MLH3: variants seen among roughly 807,000 people sequenced by gnomAD.
MLH3 encodes DNA mismatch repair protein Mlh3.
Under a neutral mutation model 122.2 loss-of-function variants are expected in MLH3, and 82 were observed. The observed-to-expected ratio is 0.67, with a 90% CI of 0.56 to 0.81. The LOEUF is 0.81. MLH3 is among the 30% of genes least tolerant of loss of function. The pLI is 0.00. For synonymous variants in MLH3, 524 were observed against 599.5 expected (o/e 0.87, Z 1.84); for missense variants, 1,539 against 1,714.5 (o/e 0.90, Z 1.81).
intron 4 of MLH3, 68 bp downstream of exon 4, chr14:75,041,547 T>G (rs1407915544): frequency 7.7e-7 from 1 of 1,304,510 alleles, no homozygotes; most frequent in East Asian, 2.3e-5. Flanking sequence ...AAACTCCATC[T>G]CAAAATTTAA....
In MLH3 at chr14:75,030,635, C is replaced by T. The variant is rs752392765; in HGVS notation, c.3895G>A (p.Val1299Ile). The change falls in exon 9 of 13, where the codon GTC becomes ATC. Residue 1299 changes from valine to isoleucine, a missense_variant. Physicochemically the swap from Val to Ile is conservative, Grantham distance 29. Coordinates refer to ENST00000355774, the MANE Select transcript of MLH3 (RefSeq NM_001040108.2). ...FVFPDTSDSL[V>I]LVGKVPLCFV... is the part of the protein sequence containing the mutation. The stretch of plus-strand genomic sequence containing the variant: ...CATAGTGGTACTTTTCCCACAAGGA[C>T]CAGAGAATCACTAGTGTCTGGAAAT... 3.1e-6 allele frequency: 5 copies of T among 1,613,704 alleles called. No individual in the cohort carries two copies. The African/African-American group carries it at 4.0e-5, about 13-fold the overall frequency.
At chr14:75,017,313 C>T (rs1054099734) in intron 12 of MLH3, 112 bp from the exon 13 acceptor site, 24 of 1,096,212 alleles carry the variant, frequency 2.2e-5, no homozygotes, top group Middle Eastern at 4.8e-4. Flanking sequence ...CCAAGGCAGG[C>T]GGATCACAAG....
At chr14:75,027,664 T>TAAAAAA (rs56986784) in intron 9 of MLH3, among the ~76,000 whole-genome samples, 9 of 30,820 alleles carry the variant, frequency 2.9e-4, no homozygotes, top group Non-Finnish European at 3.5e-4. Flanking sequence ...TTTACTTCAG[T>TAAAAAA]AAAAAAAAAA....
chr14:75,027,686 A>AAAAAAAAAAAAAC (rs1566580490), intron 9 of MLH3, among the ~76,000 whole-genome samples: 1 of 149,586 alleles, frequency 6.7e-6, no homozygotes, highest in Non-Finnish European at 1.5e-5. Context: ...AAAAAAAAAA[A>AAAAAAAAAAAAAC]AAAAAAAACC....
chr14:75,042,916 C>T (rs1426979515), intron 2 of MLH3, among the ~76,000 whole-genome samples: 1 of 152,096 alleles, frequency 6.6e-6, no homozygotes, highest in African/African-American at 2.4e-5. Context: ...GCTGGGATTA[C>T]AGGCATGCGT....
In MLH3 at chr14:75,047,205, A is replaced by T. The variant is rs1892300913; in HGVS notation, c.2451T>A (p.Ser817Arg). The change falls in exon 2 of 13, where the codon AGT becomes AGA. Residue 817 changes from serine (S) to arginine (R), a missense_variant. Ser to Arg is a moderately radical substitution (Grantham distance 110). Coordinates refer to ENST00000355774, the MANE Select transcript of MLH3 (RefSeq NM_001040108.2). Reference sequence around the variant, plus strand: ...TAAGGATGTGGCTTGCTGGTTGACAACTACTATCTGAATCACTATGCTCCA... The same window carrying T: ...TAAGGATGTGGCTTGCTGGTTGACATCTACTATCTGAATCACTATGCTCCA... ...TTMEHSDSDS[S>R]CQPASHILNS... The T allele has an allele frequency of 6.2e-7, 1 of 1,614,148 alleles. No individual in the cohort carries two copies. The highest frequency in any genetic ancestry group is 8.5e-7 in the Non-Finnish European group (1 of 1,180,006).
chr14:75,026,268 T>C (rs1890622721), intron 9 of MLH3, among the ~76,000 whole-genome samples: 1 of 151,680 alleles, frequency 6.6e-6, no homozygotes, highest in African/African-American at 2.4e-5. Flanking sequence ...GGAACAATCA[T>C]GAAAAAAGCA....
intron 9 of MLH3, among the ~76,000 whole-genome samples, chr14:75,024,628 G>T (rs2139340098): frequency 6.6e-6 from 1 of 152,342 alleles, no homozygotes; most frequent in African/African-American, 2.4e-5. Flanking sequence ...GAGCTTTATA[G>T]AAGGATGTAT....
chr14:75,019,650 T>G (rs1303745151), intron 11 of MLH3, among the ~76,000 whole-genome samples: 1 of 152,158 alleles, frequency 6.6e-6, no homozygotes, highest in Non-Finnish European at 1.5e-5. Flanking sequence ...TGGGGTTATC[T>G]TTCTCCATGG....
chr14:75,022,538 T>A (rs550947852), intron 11 of MLH3, among the ~76,000 whole-genome samples: 20 of 152,336 alleles, frequency 1.3e-4, no homozygotes, highest in Middle Eastern at 3.4e-3. Context: ...TGAACCCATG[T>A]TCCCCAGCTC....
chr14:75,048,491 T>C lies in MLH3; in HGVS notation c.1165A>G (p.Asn389Asp). The C allele has an allele frequency of 6.2e-7, 1 of 1,613,224 alleles. No individual in the cohort carries two copies. The highest frequency in any genetic ancestry group is 1.3e-5 in the African/African-American group (1 of 75,002). ...QKRVTSDERSNFQEACNNILD... is the reference protein window; with the variant it reads ...QKRVTSDERSDFQEACNNILD... ...ATATTATTACATGCTTCCTGGAAAT[T>C]GCTCCTCTCATCGGAAGTCACACGC... Residue 389 changes from asparagine (N) to aspartate (D), a missense_variant, in exon 2 of 13, where the codon AAT (asparagine) becomes GAT (aspartate). Coordinates refer to ENST00000355774, the MANE Select transcript of MLH3 (RefSeq NM_001040108.2).
rs1375768289 is a variant in MLH3, at chr14:75,037,410, T to C, written c.3643+930A>G. ...TGTAATTATTTTTTTCTCTTGCATA[T>C]ATATCTTTTCTCATTATTGTATCCC... On this transcript the variant is annotated intron_variant, in intron 6 of 12. Transcript: ENST00000355774. Among the ~76,000 whole-genome samples the C allele has an allele frequency of 3.9e-5, 6 of 152,200 alleles. No homozygotes were observed. In the East Asian group the frequency reaches 9.6e-4, roughly 24 times the overall value.
chr14:75,028,194 T>C (rs894498399), intron 9 of MLH3, among the ~76,000 whole-genome samples: 2 of 152,172 alleles, frequency 1.3e-5, no homozygotes, highest in Non-Finnish European at 2.9e-5. Context: ...GCAGTAGCTT[T>C]CCAAACCTTT....
intron 11 of MLH3, among the ~76,000 whole-genome samples, chr14:75,021,771 G>C (rs1890294068): frequency 1.3e-5 from 2 of 152,176 alleles, no homozygotes; most frequent in South Asian, 4.1e-4. Context: ...ACAGTTTAGA[G>C]ATTTCTTAAA....
rs138943686 is a variant in MLH3, at chr14:75,049,227, C to T, written c.429G>A (p.Gly143=). 405 of 1,614,186 alleles carry T rather than the reference C, an allele frequency of 2.5e-4. 1 individual carries two copies. In the African/African-American group the frequency reaches 4.9e-3, roughly 20 times the overall value. Residue 143 remains glycine (G), a synonymous_variant, in exon 2 of 13, where the codon GGG becomes GGA. Transcript: ENST00000355774. ...ATAGGTTATACACTGTTACAGTAGT[C>T]CCAGCGCTTGCTCTAGTCACATCAG... ...CEADVTRASA[G]TTVTVYNLFY... is the part of the protein sequence containing the mutation.
chr14:75,034,206 AAG>A (rs1191925834), intron 6 of MLH3, among the ~76,000 whole-genome samples: 2 of 151,606 alleles, frequency 1.3e-5, no homozygotes, highest in Non-Finnish European at 2.9e-5. Flanking sequence ...AAAAAAAAAA[AAG>A]TCAAAGTGGC....
Position 75,047,713 on chromosome 14 carries a change from T to A in MLH3, c.1943A>T (p.His648Leu). 1 of 1,614,188 alleles carries A rather than the reference T, an allele frequency of 6.2e-7. No homozygotes were observed. The highest frequency in any genetic ancestry group is 1.1e-5 in the South Asian group (1 of 91,072). ...TTTGATGTCTGGAGTTTCAACTGAA[T>A]GACGTGTTCTATTTCCAAATGTTTC... The part of the protein sequence containing the change: ...AQETFGNRTR[H>L]SVETPDIKDL... The change falls in exon 2 of 13, where the codon CAT (histidine) becomes CTT (leucine). Residue 648 changes from histidine to leucine, a missense_variant. Coordinates refer to ENST00000355774, the MANE Select transcript of MLH3 (RefSeq NM_001040108.2).
intron 11 of MLH3, chr14:75,020,800 T>C (rs1004058985): frequency 2.0e-5 from 3 of 152,180 alleles, no homozygotes; most frequent in Non-Finnish European, 4.4e-5. Flanking sequence ...ATTGGAGTGA[T>C]ACGGAGAAGA....
intron 11 of MLH3, among the ~76,000 whole-genome samples, chr14:75,021,440 C>A (rs1032860572): frequency 6.6e-6 from 1 of 152,126 alleles, no homozygotes; most frequent in African/African-American, 2.4e-5. Context: ...ATATAAGGAA[C>A]TAATATCCAG....
Sources: gnomAD v4.1 joint callset for allele counts (sites outside exome capture counted in the v4.1 genomes callset) on GRCh38, gnomAD v4.1.1 for gene constraint, MANE v1.5 for transcripts, NCBI Gene and HGNC (gene_info 2026-07-23, HGNC 2026-07-21) for gene names.